ERC2: variants seen among roughly 807,000 people sequenced by gnomAD.
The protein encoded by ERC2 is ELKS/RAB6-interacting/CAST family member 2.
ERC2 carries 42 observed loss-of-function variants against 114.8 expected under a neutral mutation model. That is an observed-to-expected ratio of 0.37 (90% confidence interval 0.29 to 0.47). The LOEUF (loss-of-function observed/expected upper bound fraction) is 0.47. Among genes scored for constraint, ERC2 ranks in the 20% least tolerant of loss-of-function variants. ERC2 has a pLI of 0.99. For missense variants in ERC2, 939 were observed against 1,150.7 expected, an observed-to-expected ratio of 0.82 and a Z score of 2.66; for synonymous variants, 454 against 425.5, an observed-to-expected ratio of 1.07 and a Z score of -0.82.
chr3:55,741,752 A>G (rs140180035), intron 14 of ERC2, among the ~76,000 whole-genome samples: 1 of 152,308 alleles, frequency 6.6e-6, no homozygotes, highest in East Asian at 1.9e-4. Flanking sequence ...TAAAATATGA[A>G]AAGGAAGCCC....
intron 17 of ERC2, among the ~76,000 whole-genome samples, chr3:55,582,423 T>G (rs565963003): frequency 1.8e-4 from 28 of 152,204 alleles, no homozygotes; most frequent in Non-Finnish European, 4.4e-5. Context: ...TCAAACAGTG[T>G]CAAGTATCTA....
At chr3:55,716,545 C>T (rs1053064582) in intron 15 of ERC2, among the ~76,000 whole-genome samples, 6 of 152,196 alleles carry the variant, frequency 3.9e-5, no homozygotes, top group African/African-American at 1.4e-4. Flanking sequence ...CAATTATGTG[C>T]AAAAGGCATC....
chr3:55,515,092 T>C (rs562620744), intron 17 of ERC2, among the ~76,000 whole-genome samples: 1 of 152,172 alleles, frequency 6.6e-6, no homozygotes, highest in South Asian at 2.1e-4. Context: ...ATTTGCACCA[T>C]GAAGAAAAGG....
At chr3:55,889,625 G>C (rs1334033891) in intron 13 of ERC2, among the ~76,000 whole-genome samples, 1 of 152,084 alleles carries the variant, frequency 6.6e-6, no homozygotes, top group Non-Finnish European at 1.5e-5. Flanking sequence ...GACTTCCGTG[G>C]AGCAAGCTGG....
In ERC2 at chr3:56,267,652, A is replaced by G. The variant is rs916364728; in HGVS notation, c.1074+28367T>C. Among the ~76,000 whole-genome samples, 31 of 151,644 alleles carry G rather than the reference A, an allele frequency of 2.0e-4. No individual in the cohort carries two copies. The East Asian group carries it at 5.8e-3, about 28-fold the overall frequency. On this transcript the variant is annotated intron_variant, in intron 3 of 17. Transcript: ENST00000288221. ...AAATTAACTGGGTGTGGTGGCAGGC[A>G]CCTATAATCCCAGCTATTCGGGAGG...
intron 12 of ERC2, among the ~76,000 whole-genome samples, chr3:55,977,532 G>A (rs2069688868): frequency 6.6e-6 from 1 of 152,110 alleles, no homozygotes; most frequent in Non-Finnish European, 1.5e-5. Context: ...TGCACTTAAG[G>A]GTCATTTTCC....
intron 2 of ERC2, among the ~76,000 whole-genome samples, chr3:56,419,407 G>A (rs890099245): frequency 2.0e-5 from 3 of 152,200 alleles, no homozygotes; most frequent in Non-Finnish European, 2.9e-5. Flanking sequence ...CTTTTACTAT[G>A]TGACACCTAA....
intron 14 of ERC2, among the ~76,000 whole-genome samples, chr3:55,874,539 C>T (rs944789388): frequency 6.6e-6 from 1 of 152,134 alleles, no homozygotes; most frequent in Non-Finnish European, 1.5e-5. Flanking sequence ...TAAACATTTT[C>T]TAGCAACATA....
chr3:56,440,314 C>T (rs1388298719), intron 1 of ERC2, among the ~76,000 whole-genome samples: 7 of 152,056 alleles, frequency 4.6e-5, no homozygotes, highest in South Asian at 2.1e-4. Context: ...GAGGCCGAGG[C>T]GGGTGGATCA....
chr3:55,725,168 A>G (rs1163429324), intron 15 of ERC2, among the ~76,000 whole-genome samples: 2 of 152,158 alleles, frequency 1.3e-5, no homozygotes, highest in Non-Finnish European at 2.9e-5. Flanking sequence ...ACTGAAGCAA[A>G]GTTGGCAAAT....
chr3:55,927,121 C>T (rs1198976755), intron 13 of ERC2, among the ~76,000 whole-genome samples: 3 of 152,190 alleles, frequency 2.0e-5, no homozygotes, highest in Non-Finnish European at 2.9e-5. Context: ...GAAGCTTTCC[C>T]AGTAACTGGT....
At chr3:55,688,090 G>A (rs1432799280) in intron 16 of ERC2, among the ~76,000 whole-genome samples, 1 of 152,178 alleles carries the variant, frequency 6.6e-6, no homozygotes, top group Non-Finnish European at 1.5e-5. Flanking sequence ...TACATGACTT[G>A]TATTTATTAT....
intron 14 of ERC2, among the ~76,000 whole-genome samples, chr3:55,867,781 TAA>T (rs1247326343): frequency 6.6e-6 from 1 of 152,150 alleles, no homozygotes; most frequent in African/African-American, 2.4e-5. Context: ...TTTCAGATAT[TAA>T]AAGAGATGTA....
chr3:56,451,185 C>T (rs929629300), intron 1 of ERC2, among the ~76,000 whole-genome samples: 2 of 152,104 alleles, frequency 1.3e-5, no homozygotes, highest in Non-Finnish European at 2.9e-5. Context: ...AACTAACAGA[C>T]GTTTCTGAGA....
At chr3:56,054,091 T>C (rs939833100) in intron 7 of ERC2, among the ~76,000 whole-genome samples, 1 of 152,232 alleles carries the variant, frequency 6.6e-6, no homozygotes, top group Non-Finnish European at 1.5e-5. Flanking sequence ...TGGCAATTAT[T>C]ACACCCATTT....
chr3:56,036,643 G>A (rs1459647794), intron 7 of ERC2, among the ~76,000 whole-genome samples: 1 of 152,150 alleles, frequency 6.6e-6, no homozygotes, highest in African/African-American at 2.4e-5. Flanking sequence ...AGGGTGGAGT[G>A]ACGGCCCACT....
chr3:56,260,122 T>C lies in ERC2; in HGVS notation c.1074+35897A>G, dbSNP rs544700338. On this transcript the variant is annotated intron_variant, in intron 3 of 17. Transcript: ENST00000288221. ...GCCCTGCCCCACTTCTCATTCCACC[T>C]TTCCAGCCACACTGCTCAGTCTTCT... Among the ~76,000 whole-genome samples, 12 of 152,314 alleles carry C rather than the reference T, an allele frequency of 7.9e-5. 1 individual carries two copies. The highest frequency in any genetic ancestry group is 7.8e-4 in the Admixed American group (12 of 15,304).
Position 55,899,512 on chromosome 3 carries a change from T to TGA in ERC2, c.2404-10965_2404-10964dup, listed in dbSNP as rs370485052. Among the ~76,000 whole-genome samples, 14 of 152,008 alleles carry TGA rather than the reference T, an allele frequency of 9.2e-5. No individual in the cohort carries two copies. The South Asian group carries it at 2.9e-3, about 32-fold the overall frequency. Reference sequence around the variant, plus strand: ...GAATACGTGTGTGAGTGTGTGTGTGTGAGAGAGAGAGTGTGTGTGTGATTT... The same window carrying TGA: ...GAATACGTGTGTGAGTGTGTGTGTGTGAGAGAGAGAGAGTGTGTGTGTGATTT... On this transcript the variant is annotated intron_variant, in intron 13 of 17. Coordinates refer to ENST00000288221, the MANE Select transcript of ERC2 (RefSeq NM_015576.3).
intron 15 of ERC2, among the ~76,000 whole-genome samples, chr3:55,717,131 T>C (rs1315660350): frequency 6.6e-6 from 1 of 152,214 alleles, no homozygotes; most frequent in African/African-American, 2.4e-5. Context: ...CTGCTGCAGG[T>C]AATCTAACTA....
Sources: gnomAD v4.1 joint callset for allele counts (sites outside exome capture counted in the v4.1 genomes callset) on GRCh38, gnomAD v4.1.1 for gene constraint, MANE v1.5 for transcripts, NCBI Gene and HGNC (gene_info 2026-07-23, HGNC 2026-07-21) for gene names.